Variants in STARD9 observed in about 807,000 individuals in gnomAD.
STARD9 encodes the protein stAR-related lipid transfer protein 9.
A neutral mutation model predicts 399.8 loss-of-function variants in STARD9; 346 were observed. The observed-to-expected ratio is 0.87, with a 90% CI of 0.79 to 0.95. STARD9 has a LOEUF of 0.95. Among genes scored for constraint, STARD9 ranks in the 40% least tolerant of loss-of-function variants. The probability of loss-of-function intolerance (pLI) is 0.00; values close to 1 mark genes in which losing one functional copy is unlikely to be tolerated. For missense variants in STARD9, 5,832 were observed against 5,667.5 expected (o/e 1.03, Z -0.93); for synonymous variants, 2,203 against 2,143.5 (o/e 1.03, Z -0.77).
chr15:42,702,657 C>T (rs2060991973), intron 26 of STARD9, among the ~76,000 whole-genome samples: 1 of 152,202 alleles, frequency 6.6e-6, no homozygotes, highest in Non-Finnish European at 1.5e-5. Flanking sequence ...GCTTGTTACA[C>T]ATTAGCATCC....
In STARD9 at chr15:42,692,297, G is replaced by A. The variant is rs543385215; in HGVS notation, c.10719G>A (p.Thr3573=). ...CCTTAGGAGACCCCCACATCCCGAC[G>A]AGCCCTGAAGGAGTAGCCCCCACTT... The part of the protein sequence containing the change: ...SIALGDPHIP[T]SPEGVAPTSG... The change falls in exon 23 of 33, where the codon ACG becomes ACA. Residue 3573 remains threonine, a synonymous_variant. Transcript: ENST00000290607. 9.1e-6 allele frequency: 14 copies of A among 1,537,008 alleles called. No individual in the cohort carries two copies. The highest frequency in any genetic ancestry group is 1.4e-5 in the African/African-American group (1 of 73,140).
rs1042711943 is a variant in STARD9, at chr15:42,631,827, T to A, written c.235-3029T>A. Among the ~76,000 whole-genome samples the A allele has an allele frequency of 4.6e-5, 7 of 152,136 alleles. 1 individual carries two copies. The highest frequency in any genetic ancestry group is 4.1e-4 in the South Asian group (2 of 4,836). ...CCCACCTTTCAGGAAGATTTTTTTT[T>A]TAAATTATTTAAGATGTGTTTTGTG... On this transcript the variant is annotated intron_variant, in intron 3 of 32. Transcript: ENST00000290607.
At chr15:42,719,018 T>C (rs1294250688) in intron 32 of STARD9, 108 bp downstream of exon 32, 2 of 1,039,000 alleles carry the variant, frequency 1.9e-6, no homozygotes, top group East Asian at 5.2e-5. Flanking sequence ...CCAGGCCCTT[T>C]GGCCTGAGAC....
chr15:42,629,979 A>T (rs972403522), intron 3 of STARD9: 1 of 150,604 alleles, frequency 6.6e-6, no homozygotes, highest in Admixed American at 6.6e-5. Flanking sequence ...CCACTTGGTC[A>T]CGATAAATGA....
intron 9 of STARD9, among the ~76,000 whole-genome samples, chr15:42,660,453 A>G (rs1387636458): frequency 6.6e-6 from 1 of 151,580 alleles, no homozygotes; most frequent in Non-Finnish European, 1.5e-5. Flanking sequence ...AATCTCAGCT[A>G]CTTGGGAGGC....
chr15:42,626,497 CT>C (rs766581586), intron 3 of STARD9, among the ~76,000 whole-genome samples: 2,652 of 140,308 alleles, frequency 0.019, 57 homozygotes, highest in African/African-American at 0.052. Context: ...TCTTCCTCTT[CT>C]TTTTTTTTTT....
rs1595644964 is a variant in STARD9, at chr15:42,617,325, GA to G, written c.235-17527del. Among the ~76,000 whole-genome samples the G allele has an allele frequency of 2.0e-5, 3 of 152,232 alleles. No homozygotes were observed. In the East Asian group the frequency reaches 5.8e-4, roughly 29 times the overall value. Reference sequence around the variant, plus strand: ...ATGTTTGACTTCAGAAAATTAGGAGGAAAAGAACATTTATAGGGTGATAACT... The same window carrying G: ...ATGTTTGACTTCAGAAAATTAGGAGGAAAGAACATTTATAGGGTGATAACT... On this transcript the variant is annotated intron_variant, in intron 3 of 32. Coordinates refer to ENST00000290607, the MANE Select transcript of STARD9 (RefSeq NM_020759.3).
At chr15:42,585,724 G>T (rs2058263635) in intron 3 of STARD9, 87 bp downstream of exon 3, 4 of 859,242 alleles carry the variant, frequency 4.7e-6, no homozygotes, top group Admixed American at 2.2e-5. Context: ...ACTTTGCAAG[G>T]TTAGTATAGC....
At chr15:42,675,838 C>T in intron 19 of STARD9, 34 bp from the exon 20 acceptor site, 2 of 1,535,002 alleles carry the variant, frequency 1.3e-6, no homozygotes, top group Non-Finnish European at 1.7e-6. Context: ...GAGGCGATGA[C>T]AGCAGCCTCA....
chr15:42,585,286 T>A (rs765899441), intron 2 of STARD9, among the ~76,000 whole-genome samples: 2 of 152,222 alleles, frequency 1.3e-5, no homozygotes, highest in African/African-American at 2.4e-5. Flanking sequence ...TCTCATATAG[T>A]TGGTTCATAT....
chr15:42,642,841 C>T (rs939549548), intron 7 of STARD9, among the ~76,000 whole-genome samples: 1 of 152,136 alleles, frequency 6.6e-6, no homozygotes, highest in Non-Finnish European at 1.5e-5. Flanking sequence ...CACTGTCATC[C>T]AGGCCGGAGT....
At chr15:42,640,882 C>G (rs1304922334) in intron 7 of STARD9, among the ~76,000 whole-genome samples, 1 of 150,682 alleles carries the variant, frequency 6.6e-6, no homozygotes. Flanking sequence ...TAGGAGACCT[C>G]AGACATAGTT....
intron 26 of STARD9, among the ~76,000 whole-genome samples, chr15:42,707,437 T>G (rs1357118550): frequency 2.0e-5 from 3 of 152,018 alleles, no homozygotes; most frequent in Admixed American, 2.0e-4. Flanking sequence ...ATCAGCAGAT[T>G]AAACACCTAG....
intron 3 of STARD9, among the ~76,000 whole-genome samples, chr15:42,621,946 C>CAT (rs762802297): frequency 1.1e-4 from 17 of 152,278 alleles, no homozygotes; most frequent in Non-Finnish European, 2.5e-4. Flanking sequence ...TATACATTTT[C>CAT]ATATATATAC....
rs2058695121 is a variant in STARD9, at chr15:42,604,665, G to GTC, written c.234+19036_234+19037dup. 3.3e-5 allele frequency among the ~76,000 whole-genome samples: 4 copies of GTC among 119,502 alleles called. No homozygotes were observed. In the Admixed American group the frequency reaches 4.2e-4, roughly 13 times the overall value. The allele number at this position is 119,502 out of a possible 152,430, so 78.4% of individuals were successfully genotyped here. On this transcript the variant is annotated intron_variant, in intron 3 of 32. Transcript: ENST00000290607. ...TTTTTTTTTTTTTTTTTGAGACAGG[G>GTC]TCTCTCTCTGTCCCCCAGGCTGGAG...
Position 42,669,222 on chromosome 15 carries a change from A to G in STARD9, c.1382A>G (p.Tyr461Cys), listed in dbSNP as rs1247117245. ...GATTGGCAGGCCCTCATGGAGCATT[A>G]CAGTGTGGACATCAACAGGAGGAGG... ...WNDWQALMEHYSVDINRRRAG... is the reference protein window; with the variant it reads ...WNDWQALMEHCSVDINRRRAG... The change falls in exon 16 of 33, where the codon TAC becomes TGC. Residue 461 changes from tyrosine (Y) to cysteine (C), a missense_variant. Coordinates refer to ENST00000290607, the MANE Select transcript of STARD9 (RefSeq NM_020759.3). 1.0e-5 allele frequency: 16 copies of G among 1,537,154 alleles called. No individual in the cohort carries two copies. The highest frequency in any genetic ancestry group is 1.3e-5 in the Non-Finnish European group (15 of 1,146,800).
chr15:42,636,759 T>C (rs2059425369), intron 4 of STARD9, among the ~76,000 whole-genome samples: 1 of 152,062 alleles, frequency 6.6e-6, no homozygotes, highest in Non-Finnish European at 1.5e-5. Flanking sequence ...GATTTCATAG[T>C]ATTTGACATT....
chr15:42,586,713 T>C (rs917494791), intron 3 of STARD9, among the ~76,000 whole-genome samples: 1 of 152,216 alleles, frequency 6.6e-6, no homozygotes, highest in Non-Finnish European at 1.5e-5. Context: ...AATATATCCT[T>C]GGGAAATACT....
In STARD9 at chr15:42,695,898, G is replaced by T; in HGVS notation, c.13284+18G>T. Reference sequence around the variant, plus strand: ...AGAATATGGTGAGTAGGCAGATGTTGGGAATGAGCCAGGGGCCTGGACTGC... The same window carrying T: ...AGAATATGGTGAGTAGGCAGATGTTTGGAATGAGCCAGGGGCCTGGACTGC... On this transcript the variant is annotated intron_variant, in intron 26 of 32. Transcript: ENST00000290607. 2.6e-6 allele frequency: 4 copies of T among 1,532,622 alleles called. No individual in the cohort carries two copies. Among genetic ancestry groups the T allele is most frequent in the African/African-American group, 1.4e-5 (1 of 70,384 alleles). The allele number at this position is 1,532,622 out of a possible 1,614,324, so 94.9% of individuals were successfully genotyped here. A position where few individuals can be genotyped will look rare whatever the true frequency, so the allele number is the denominator to read the frequency against.
Sources: allele counts gnomAD v4.1 joint callset (sites outside exome capture counted in the v4.1 genomes callset), GRCh38; gene constraint gnomAD v4.1.1; transcripts MANE v1.5; gene names NCBI Gene and HGNC (gene_info 2026-07-23, HGNC 2026-07-21).